COBL: variants seen among roughly 807,000 people sequenced by gnomAD.
The protein encoded by COBL is cordon-bleu WH2 repeat protein.
COBL carries 51 observed loss-of-function variants against 98.8 expected under a neutral mutation model. The observed-to-expected ratio is 0.52, with a 90% confidence interval of 0.41 to 0.65. The LOEUF (loss-of-function observed/expected upper bound fraction) is 0.65. COBL is among the 30% of genes least tolerant of loss of function. The pLI is 0.00. For synonymous variants in COBL, 634 were observed against 651.7 expected (o/e 0.97, Z 0.41); for missense variants, 1,617 against 1,617.5 (o/e 1.00, Z 0.01).
Position 51,028,868 on chromosome 7 carries a change from T to G in COBL, c.2228A>C (p.His743Pro). 3 of 1,614,176 alleles carry G rather than the reference T, an allele frequency of 1.9e-6. No individual in the cohort carries two copies. Among genetic ancestry groups the G allele is most frequent in the Non-Finnish European group, 2.5e-6 (3 of 1,180,038 alleles). Residue 743 changes from histidine to proline, a missense_variant, in exon 10 of 13, where the codon CAC (histidine) becomes CCC (proline). Coordinates refer to ENST00000265136, the MANE Select transcript of COBL (RefSeq NM_015198.5). ...GGAAATGATCCTGATGCCGGTGGCGTGAGGACTCACCAAGTTCCCCAGCTC... is the reference window on the plus strand; with the variant it reads ...GGAAATGATCCTGATGCCGGTGGCGGGAGGACTCACCAAGTTCCCCAGCTC... The part of the protein sequence containing the change: ...IDELGNLVSP[H>P]ATGIRIISLS...
At chr7:51,055,332 A>C (rs1215030483) in intron 7 of COBL, among the ~76,000 whole-genome samples, 6 of 152,102 alleles carry the variant, frequency 3.9e-5, no homozygotes, top group Non-Finnish European at 8.8e-5. Context: ...GGGAAACTCA[A>C]ACTCATCTCT....
intron 5 of COBL, among the ~76,000 whole-genome samples, chr7:51,163,432 A>G (rs1787009809): frequency 6.6e-6 from 1 of 152,242 alleles, no homozygotes; most frequent in Non-Finnish European, 1.5e-5. Flanking sequence ...CAGTGCCTAG[A>G]ACAGACAGGA....
Position 51,115,248 on chromosome 7 carries a change from A to G in COBL, c.957+20910T>C, listed in dbSNP as rs1386278158. On this transcript the variant is annotated intron_variant, in intron 6 of 12. Transcript: ENST00000265136. ...GACAGAAAGAGCTCTGATTTTATGC[A>G]TTTTCTCTACTACTGCTTTCGATTT... 2.0e-5 allele frequency among the ~76,000 whole-genome samples: 3 copies of G among 151,956 alleles called. No homozygotes were observed. In the East Asian group the frequency reaches 5.8e-4, roughly 29 times the overall value.
intron 6 of COBL, among the ~76,000 whole-genome samples, chr7:51,099,969 A>G (rs2876924): frequency 0.64 from 97,222 of 152,018 alleles, 31,745 homozygotes; most frequent in African/African-American, 0.78. Context: ...AGAAGCCCTG[A>G]CTCGACCTTA....
intron 5 of COBL, among the ~76,000 whole-genome samples, chr7:51,152,491 A>T (rs1398928981): frequency 6.6e-6 from 1 of 152,098 alleles, no homozygotes; most frequent in East Asian, 1.9e-4. Context: ...TATAGAAACC[A>T]TCTCTGTCCA....
intron 2 of COBL, among the ~76,000 whole-genome samples, chr7:51,209,871 G>A (rs1269900136): frequency 6.6e-6 from 1 of 152,056 alleles, no homozygotes; most frequent in Non-Finnish European, 1.5e-5. Context: ...AAAATTACAC[G>A]AATGCAACTA....
intron 1 of COBL, among the ~76,000 whole-genome samples, chr7:51,262,215 G>A (rs567851034): frequency 2.0e-5 from 3 of 152,296 alleles, no homozygotes; most frequent in South Asian, 2.1e-4. Flanking sequence ...CCACATCCTC[G>A]AGAACACAAG....
At chr7:51,130,459 G>A (rs1798638970) in intron 6 of COBL, among the ~76,000 whole-genome samples, 1 of 152,212 alleles carries the variant, frequency 6.6e-6, no homozygotes, top group Non-Finnish European at 1.5e-5. Flanking sequence ...AAGGACAGCA[G>A]GAAGAAGTCT....
At position 51,025,715 on chromosome 7, in the gene COBL, T is replaced by C. The variant is rs527674897; in HGVS notation, c.3505-343A>G. 3.0e-4 allele frequency among the ~76,000 whole-genome samples: 45 copies of C among 152,322 alleles called. 1 individual carries two copies. Among genetic ancestry groups the C allele is most frequent in the African/African-American group, 1.1e-3 (45 of 41,576 alleles). On this transcript the variant is annotated intron_variant, in intron 11 of 12. Coordinates refer to ENST00000265136, the MANE Select transcript of COBL (RefSeq NM_015198.5). ...TGTCATTTACAAGCCACCCAGTCTG[T>C]CAGATTCTGGTATAGCAGCCCAAAC...
chr7:51,102,157 C>T (rs1795865939), intron 6 of COBL, among the ~76,000 whole-genome samples: 1 of 152,136 alleles, frequency 6.6e-6, no homozygotes, highest in South Asian at 2.1e-4. Flanking sequence ...GTTGTTTAAC[C>T]CATCCAGTTT....
intron 7 of COBL, among the ~76,000 whole-genome samples, chr7:51,080,175 C>T (rs1297139607): frequency 2.6e-5 from 4 of 152,148 alleles, no homozygotes; most frequent in African/African-American, 7.2e-5. Flanking sequence ...AACAGAATGG[C>T]TCAGAGTTGA....
intron 1 of COBL, among the ~76,000 whole-genome samples, chr7:51,228,055 G>A (rs1398602334): frequency 6.6e-6 from 1 of 152,102 alleles, no homozygotes; most frequent in African/African-American, 2.4e-5. Flanking sequence ...GGCACACAAA[G>A]GCACTGTCTG....
chr7:51,159,209 G>A lies in COBL; in HGVS notation c.784-22878C>T, dbSNP rs985118490. Reference sequence around the variant, plus strand: ...GCAGGGCGCAAAGCAGGGAGGTGGGGAGGAGGCTTTGGAGACCACAGGTGC... The same window carrying A: ...GCAGGGCGCAAAGCAGGGAGGTGGGAAGGAGGCTTTGGAGACCACAGGTGC... On this transcript the variant is annotated intron_variant, in intron 5 of 12. Coordinates refer to ENST00000265136, the MANE Select transcript of COBL (RefSeq NM_015198.5). Among the ~76,000 whole-genome samples the A allele has an allele frequency of 9.2e-5, 14 of 152,312 alleles. No individual in the cohort carries two copies. In the East Asian group the frequency reaches 2.7e-3, roughly 30 times the overall value.
chr7:51,079,625 C>T (rs1793428091), intron 7 of COBL, among the ~76,000 whole-genome samples: 3 of 152,192 alleles, frequency 2.0e-5, no homozygotes, highest in Non-Finnish European at 4.4e-5. Context: ...GGAATTCCCA[C>T]TGGAGGGAGT....
At chr7:51,050,779 C>T (rs1030991300) in intron 7 of COBL, among the ~76,000 whole-genome samples, 1 of 152,184 alleles carries the variant, frequency 6.6e-6, no homozygotes, top group Admixed American at 6.5e-5. Flanking sequence ...AAAGATTAGT[C>T]TCTTGGAAGT....
At chr7:51,228,188 C>T (rs1389615292) in intron 1 of COBL, among the ~76,000 whole-genome samples, 2 of 151,982 alleles carry the variant, frequency 1.3e-5, no homozygotes, top group African/African-American at 4.8e-5. Context: ...TGTGCATCTC[C>T]CCCAGATAAG....
rs150136328 is a variant in COBL, at chr7:51,254,095, A to C, written c.42-34151T>G. ...TGTTTTTTTTTTGTCAAAAGAAAGCAAATATGTGTTTATTCTTATTTTCTC... is the reference window on the plus strand; with the variant it reads ...TGTTTTTTTTTTGTCAAAAGAAAGCCAATATGTGTTTATTCTTATTTTCTC... On this transcript the variant is annotated intron_variant, in intron 1 of 12. Coordinates refer to ENST00000265136, the MANE Select transcript of COBL (RefSeq NM_015198.5). Among the ~76,000 whole-genome samples, 466 of 151,972 alleles carry C rather than the reference A, an allele frequency of 3.1e-3. 2 individuals carry two copies. Among genetic ancestry groups the C allele is most frequent in the African/African-American group, 0.01 (435 of 41,504 alleles).
At chr7:51,121,069 T>C (rs1797696466) in intron 6 of COBL, among the ~76,000 whole-genome samples, 1 of 152,166 alleles carries the variant, frequency 6.6e-6, no homozygotes, top group Non-Finnish European at 1.5e-5. Flanking sequence ...GGGAATTCTA[T>C]TTTGGATTTT....
chr7:51,077,678 C>T (rs753596523), intron 7 of COBL, among the ~76,000 whole-genome samples: 3 of 152,210 alleles, frequency 2.0e-5, no homozygotes, highest in Non-Finnish European at 4.4e-5. Flanking sequence ...GAACACACCT[C>T]TTACTACAAA....
Sources: gnomAD v4.1 joint callset for allele counts (sites outside exome capture counted in the v4.1 genomes callset) on GRCh38, gnomAD v4.1.1 for gene constraint, MANE v1.5 for transcripts, NCBI Gene and HGNC (gene_info 2026-07-23, HGNC 2026-07-21) for gene names.